RPL7A: variants seen among roughly 807,000 people sequenced by gnomAD.
RPL7A encodes large ribosomal subunit protein eL8.
For missense variants in RPL7A, 291 were observed against 338.2 expected, an observed-to-expected ratio of 0.86 and a Z score of 1.09; for synonymous variants, 158 against 128.2, an observed-to-expected ratio of 1.23 and a Z score of -1.57.
rs2129990240 is a variant in RPL7A, at chr9:133,349,975, G to A, written c.338G>A (p.Arg113Lys). The change falls in exon 4 of 8, where the codon AGA becomes AAA. Residue 113 changes from arginine (R) to lysine (K), a missense_variant. Coordinates refer to ENST00000323345, the MANE Select transcript of RPL7A (RefSeq NM_000972.3). ...GAGACAAAGCAAGAGAAGAAGCAGAGACTGTTGGCCCGGGCCGAGAAGAAG... is the reference window on the plus strand; with the variant it reads ...GAGACAAAGCAAGAGAAGAAGCAGAAACTGTTGGCCCGGGCCGAGAAGAAG... The part of the protein sequence containing the change: ...RPETKQEKKQ[R>K]LLARAEKKAA... 2 of 1,612,294 alleles carry A rather than the reference G, an allele frequency of 1.2e-6. No individual in the cohort carries two copies. Among genetic ancestry groups the A allele is most frequent in the South Asian group, 1.1e-5 (1 of 91,022 alleles).
intron 7 of RPL7A, 58 bp downstream of exon 7, chr9:133,351,129 T>C (rs1836387427): frequency 6.3e-7 from 1 of 1,585,852 alleles, no homozygotes; most frequent in Non-Finnish European, 8.6e-7. Flanking sequence ...CCCAAATAAC[T>C]GGCTGGCTTA....
chr9:133,349,079 T>G, intron 2 of RPL7A, 37 bp downstream of exon 2: 1 of 1,608,530 alleles, frequency 6.2e-7, no homozygotes, highest in Non-Finnish European at 8.5e-7. Flanking sequence ...CGGTCTATGT[T>G]TTTCTCAAGG....
chr9:133,349,042 G>C lies in RPL7A; in HGVS notation c.124G>C (p.Gly42Arg). 1 of 1,613,626 alleles carries C rather than the reference G, an allele frequency of 6.2e-7. No homozygotes were observed. Among genetic ancestry groups the C allele is most frequent in the Non-Finnish European group, 8.5e-7 (1 of 1,179,822 alleles). Residue 42 changes from glycine to arginine, a missense_variant and splice_region_variant, in exon 2 of 8, where the codon GGA (glycine) becomes CGA (arginine). Coordinates refer to ENST00000323345, the MANE Select transcript of RPL7A (RefSeq NM_000972.3). ...GAAAAGGCCTAAGAATTTTGGCATT[G>C]GTAAGTAACAAACGGCAGAATGAAA... is the stretch of plus-strand genomic sequence containing the variant. ...FEKRPKNFGI[G>R]QDIQPKRDLT...
chr9:133,350,495 G>T (rs1175583601), intron 5 of RPL7A, 102 bp from the exon 6 acceptor site: 7 of 1,588,122 alleles, frequency 4.4e-6, no homozygotes, highest in Non-Finnish European at 5.2e-6. Context: ...CAACCTTGAA[G>T]TGCGAATCCA....
intron 7 of RPL7A, 84 bp from the exon 8 acceptor site, chr9:133,351,178 G>A: frequency 1.3e-6 from 2 of 1,542,682 alleles, no homozygotes; most frequent in South Asian, 1.1e-5. Context: ...GCTTGGAACA[G>A]CCAAACAGAA....
chr9:133,348,529 G>T (rs1836280195), intron 1 of RPL7A: 2 of 601,700 alleles, frequency 3.3e-6, no homozygotes, highest in Non-Finnish European at 2.9e-6. Flanking sequence ...GGGGCTCGGA[G>T]CCCTAGCGTC....
At chr9:133,350,840 G>A in intron 6 of RPL7A, 113 bp downstream of exon 6, 1 of 1,563,864 alleles carries the variant, frequency 6.4e-7, no homozygotes. Context: ...ATATTTATCT[G>A]AACTTTTGCC....
In RPL7A at chr9:133,348,287, G is replaced by A. The variant is rs2129977773; in HGVS notation, c.3+41G>A. 6,946 of 1,613,972 alleles carry A rather than the reference G, an allele frequency of 4.3e-3. 65 individuals are homozygous for A. Among genetic ancestry groups the A allele is most frequent in the African/African-American group, 0.035 (2,601 of 75,032 alleles). On this transcript the variant is annotated intron_variant, in intron 1 of 7. Transcript: ENST00000323345. Reference sequence around the variant, plus strand: ...TTCCGTGGCACTATAGCCAGGTTCCGGCTGTATCCGCTGCCATCCTCCTCC... The same window carrying A: ...TTCCGTGGCACTATAGCCAGGTTCCAGCTGTATCCGCTGCCATCCTCCTCC...
Position 133,349,021 on chromosome 9 carries a change from A to C in RPL7A, c.103A>C (p.Arg35=). 1 of 1,613,914 alleles carries C rather than the reference A, an allele frequency of 6.2e-7. No individual in the cohort carries two copies. Among genetic ancestry groups the C allele is most frequent in the Non-Finnish European group, 8.5e-7 (1 of 1,179,932 alleles). ...KKVVNPLFEK[R]PKNFGIGQDI... ...AGTGGTGAATCCCCTGTTTGAGAAA[A>C]GGCCTAAGAATTTTGGCATTGGTAA... is the stretch of plus-strand genomic sequence containing the variant. Residue 35 remains arginine, a synonymous_variant, in exon 2 of 8, where the codon AGG becomes CGG. Transcript: ENST00000323345.
intron 1 of RPL7A, chr9:133,348,701 C>G: frequency 1.3e-6 from 1 of 749,100 alleles, no homozygotes; most frequent in Non-Finnish European, 2.4e-6. Flanking sequence ...CGGGCTTAGC[C>G]TTGCTCTGGC....
chr9:133,348,623 G>T, intron 1 of RPL7A: 1 of 628,184 alleles, frequency 1.6e-6, no homozygotes, highest in South Asian at 1.7e-5. Context: ...AGCCTGTGGG[G>T]CCGCGACTCA....
chr9:133,348,513 C>T (rs1006600393), intron 1 of RPL7A: 1 of 605,632 alleles, frequency 1.7e-6, no homozygotes, highest in African/African-American at 1.9e-5. Context: ...TGGAGCACCG[C>T]AGTGCGGGGC....
chr9:133,349,416 A>G (rs2129985817), intron 2 of RPL7A, 135 bp from the exon 3 acceptor site: 31 of 1,093,958 alleles, frequency 2.8e-5, no homozygotes, highest in Non-Finnish European at 4.4e-5. Flanking sequence ...GTAAAAGAAT[A>G]TTTGCTATCT....
At chr9:133,350,976 CT>C (rs782059126) in intron 6 of RPL7A, 25 bp from the exon 7 acceptor site, 7 of 1,613,478 alleles carry the variant, frequency 4.3e-6, no homozygotes, top group Admixed American at 1.7e-5. Flanking sequence ...AAAAAACCCA[CT>C]TTTGTTTCCC....
chr9:133,351,323 T>A lies in RPL7A; in HGVS notation c.758T>A (p.Leu253His). 6.2e-7 allele frequency: 1 copy of A among 1,613,808 alleles called. No homozygotes were observed. The highest frequency in any genetic ancestry group is 8.5e-7 in the Non-Finnish European group (1 of 1,179,870). ...AAGTCTGTGGCTCGTATCGCCAAGC[T>A]CGAAAAGGCAAAGGCTAAAGAACTT... is the stretch of plus-strand genomic sequence containing the variant. Reference protein sequence around the residue: ...GPKSVARIAKLEKAKAKELAT... With the variant: ...GPKSVARIAKHEKAKAKELAT... Residue 253 changes from leucine (L) to histidine (H), a missense_variant, in exon 8 of 8, where the codon CTC becomes CAC. Coordinates refer to ENST00000323345, the MANE Select transcript of RPL7A (RefSeq NM_000972.3).
chr9:133,349,052 A>G lies in RPL7A; in HGVS notation c.124+10A>G, dbSNP rs1421107417. On this transcript the variant is annotated intron_variant, in intron 2 of 7. Transcript: ENST00000323345. ...AAGAATTTTGGCATTGGTAAGTAACAAACGGCAGAATGAAAACGGTCTATG... is the reference window on the plus strand; with the variant it reads ...AAGAATTTTGGCATTGGTAAGTAACGAACGGCAGAATGAAAACGGTCTATG... The G allele has an allele frequency of 3.7e-6, 6 of 1,613,010 alleles. No homozygotes were observed. In the African/African-American group the frequency reaches 5.3e-5, roughly 14 times the overall value.
intron 7 of RPL7A, 63 bp from the exon 8 acceptor site, chr9:133,351,199 T>A (rs1305695623): frequency 6.4e-7 from 1 of 1,566,922 alleles, no homozygotes; most frequent in African/African-American, 1.3e-5. Context: ...TTAACGCAAC[T>A]AATAACCTTG....
At chr9:133,348,801 T>G in intron 1 of RPL7A, 121 bp from the exon 2 acceptor site, 1 of 1,496,980 alleles carries the variant, frequency 6.7e-7, no homozygotes, top group Non-Finnish European at 9.3e-7. Flanking sequence ...AGAAAGCTGC[T>G]CGCCAGCTTA....
Position 133,348,232 on chromosome 9 carries a change from C to T in RPL7A, c.-12C>T, listed in dbSNP as rs2129977028. ...AATTCCCTTTCCTTTCTCTCTCCTC[C>T]CGCCGCCCAAGATGGTGAGTGAGCT... On this transcript the variant is annotated 5_prime_UTR_variant, in exon 1 of 8. Transcript: ENST00000323345. The T allele has an allele frequency of 7.4e-6, 12 of 1,614,118 alleles. No individual in the cohort carries two copies. The South Asian group carries it at 1.3e-4, about 18-fold the overall frequency.
Sources: allele counts gnomAD v4.1 joint callset, GRCh38; gene constraint gnomAD v4.1.1; transcripts MANE v1.5; gene names NCBI Gene and HGNC (gene_info 2026-07-23, HGNC 2026-07-21).